RBBP8: variants seen among roughly 807,000 people sequenced by gnomAD.
RBBP8 encodes the protein DNA endonuclease RBBP8.
A neutral mutation model predicts 108.3 loss-of-function variants in RBBP8; 88 were observed. The observed-to-expected ratio is 0.81, with a 90% CI of 0.68 to 0.97. The LOEUF is 0.97. Ranked by LOEUF, RBBP8 falls within the 50% of genes least tolerant of loss-of-function variation. RBBP8 has a pLI of 0.00. For missense variants in RBBP8, 1,023 were observed against 1,049.0 expected, an observed-to-expected ratio of 0.98 and a Z score of 0.34; for synonymous variants, 332 against 348.2, an observed-to-expected ratio of 0.95 and a Z score of 0.52.
chr18:23,019,761 AT>A (rs35352558), intron 17 of RBBP8, among the ~76,000 whole-genome samples: 2,376 of 131,662 alleles, frequency 0.018, 51 homozygotes, highest in African/African-American at 0.061. Flanking sequence ...ACATTTTATA[AT>A]TTTTTTTTTT....
intron 9 of RBBP8, among the ~76,000 whole-genome samples, chr18:22,990,031 A>G (rs369994640): frequency 4.5e-4 from 68 of 152,288 alleles, no homozygotes; most frequent in Non-Finnish European, 8.4e-4. Context: ...TTCATTACAT[A>G]TAGATTTTTT....
Position 22,968,077 on chromosome 18 carries a change from T to A in RBBP8, c.249-729T>A, listed in dbSNP as rs548701696. ...ATTCAACAATATTGACAAAAAAAAA[T>A]TTTTTTTTTTTTTGAGTCAGAGTCT... On this transcript the variant is annotated intron_variant, in intron 4 of 18. Coordinates refer to ENST00000327155, the MANE Select transcript of RBBP8 (RefSeq NM_002894.3). Among the ~76,000 whole-genome samples, 503 of 141,260 alleles carry A rather than the reference T, an allele frequency of 3.6e-3. 5 individuals carry two copies. Among genetic ancestry groups the A allele is most frequent in the African/African-American group, 0.013 (471 of 37,490 alleles). The allele number at this position is 141,260 out of a possible 152,430, so 92.7% of individuals were successfully genotyped here. A position where few individuals can be genotyped will look rare whatever the true frequency, so the allele number is the denominator to read the frequency against.
rs766176776 is a variant in RBBP8, at chr18:22,993,767, A to G, written c.1859A>G (p.His620Arg). The G allele has an allele frequency of 1.2e-6, 2 of 1,614,102 alleles. No homozygotes were observed. The highest frequency in any genetic ancestry group is 1.7e-6 in the Non-Finnish European group (2 of 1,179,936). Residue 620 changes from histidine (H) to arginine (R), a missense_variant, in exon 12 of 19, where the codon CAT (histidine) becomes CGT (arginine). Physicochemically the swap from His to Arg is conservative, Grantham distance 29. Coordinates refer to ENST00000327155, the MANE Select transcript of RBBP8 (RefSeq NM_002894.3). ...ATAAAAATACAAACCAGGTCAGACC[A>G]TGGAGGATGTGAACTTGCATCAGTT... ...EPIKIQTRSD[H>R]GGCELASVLQ...
intron 18 of RBBP8, among the ~76,000 whole-genome samples, chr18:23,023,610 G>A (rs1390399533): frequency 1.3e-5 from 2 of 152,076 alleles, no homozygotes; most frequent in African/African-American, 4.8e-5. Context: ...TGTCTTTGGG[G>A]TAGCATACTC....
rs765592898 is a variant in RBBP8, at chr18:22,982,305, C to T, written c.516C>T (p.Gly172=). 8.7e-6 allele frequency: 14 copies of T among 1,614,024 alleles called. No homozygotes were observed. The highest frequency in any genetic ancestry group is 5.5e-5 in the South Asian group (5 of 91,084). The change falls in exon 7 of 19, where the codon GGC becomes GGT. Residue 172 remains glycine (G), a synonymous_variant. Transcript: ENST00000327155. ...CGATAACAGCCTTCTCATTTTCTGG[C>T]GTTAACCGGCTACGAAGAAAGGAGA... ...DSPITAFSFS[G]VNRLRRKENP...
At chr18:22,966,852 G>A (rs992063384) in intron 4 of RBBP8, among the ~76,000 whole-genome samples, 8 of 149,838 alleles carry the variant, frequency 5.3e-5, no homozygotes, top group Middle Eastern at 3.5e-3. Context: ...TCAGCCTCCC[G>A]AGTAGCTGGG....
intron 15 of RBBP8, among the ~76,000 whole-genome samples, chr18:23,005,410 T>A (rs1189656153): frequency 6.6e-6 from 1 of 152,134 alleles, no homozygotes; most frequent in Non-Finnish European, 1.5e-5. Flanking sequence ...TATACTTATG[T>A]GTAAATTTTT....
chr18:23,006,242 G>A, intron 15 of RBBP8, 121 bp from the exon 16 acceptor site: 1 of 834,926 alleles, frequency 1.2e-6, no homozygotes, highest in Non-Finnish European at 2.0e-6. Context: ...TTGCTCAGAG[G>A]CCTGGAGCAT....
chr18:22,932,486 C>CT (rs1197152995), upstream of RBBP8, among the ~76,000 whole-genome samples: 1 of 152,144 alleles, frequency 6.6e-6, no homozygotes, highest in East Asian at 1.9e-4. Context: ...TTATTCATCC[C>CT]TTAAGATGTG....
chr18:22,996,926 A>G (rs1465298919), intron 13 of RBBP8, among the ~76,000 whole-genome samples: 1 of 152,174 alleles, frequency 6.6e-6, no homozygotes, highest in Non-Finnish European at 1.5e-5. Context: ...TGAACCCAGG[A>G]ATTCGAGGCT....
intron 16 of RBBP8, among the ~76,000 whole-genome samples, chr18:23,010,372 C>T (rs978527528): frequency 1.3e-5 from 2 of 152,122 alleles, no homozygotes; most frequent in Admixed American, 6.6e-5. Context: ...GAGGCTTTGG[C>T]GGAAGAATCG....
At chr18:23,004,284 T>C (rs12458661) in intron 15 of RBBP8, among the ~76,000 whole-genome samples, 47,850 of 149,740 alleles carry the variant, frequency 0.32, 8,265 homozygotes, top group East Asian at 0.52. Flanking sequence ...TATATATATA[T>C]ACACACACAC....
At chr18:22,927,392 G>C (rs561663791) in intron 3 of RBBP8, among the ~76,000 whole-genome samples, 1 of 152,264 alleles carries the variant, frequency 6.6e-6, no homozygotes, top group South Asian at 2.1e-4. Flanking sequence ...AGAAATAAAC[G>C]AAGAATTGGA....
At chr18:22,942,286 C>T (rs1346442685) in intron 2 of RBBP8, among the ~76,000 whole-genome samples, 1 of 152,052 alleles carries the variant, frequency 6.6e-6, no homozygotes. Flanking sequence ...CAGAAATGTA[C>T]CCATAGGAAC....
rs1039795015 is a variant in RBBP8, at chr18:23,017,045, C to T, written c.2454+121C>T. On this transcript the variant is annotated intron_variant, in intron 17 of 18. Transcript: ENST00000327155. ...ATAGAAACCTCTTATTTGAGCCAGG[C>T]GTAACAGCAGGAATAAGGAGTATTC... The T allele has an allele frequency of 6.3e-6, 5 of 799,954 alleles. No individual in the cohort carries two copies. The Admixed American group carries it at 8.4e-5, about 13-fold the overall frequency. 49.6% of individuals were successfully genotyped at this position (799,954 alleles called of 1,614,324 possible).
intron 4 of RBBP8, among the ~76,000 whole-genome samples, chr18:22,957,430 T>C (rs1912677688): frequency 6.6e-6 from 1 of 150,454 alleles, no homozygotes; most frequent in Non-Finnish European, 1.5e-5. Flanking sequence ...TGAATGAAAA[T>C]GAATAAATGT....
intron 16 of RBBP8, among the ~76,000 whole-genome samples, chr18:23,013,433 C>A (rs557002005): frequency 6.6e-6 from 1 of 152,106 alleles, no homozygotes; most frequent in African/African-American, 2.4e-5. Context: ...GAGTTACCAG[C>A]GCAGGTGAGC....
At chr18:23,000,239 T>G (rs947974536) in intron 14 of RBBP8, among the ~76,000 whole-genome samples, 1 of 152,176 alleles carries the variant, frequency 6.6e-6, no homozygotes, top group Non-Finnish European at 1.5e-5. Context: ...TTAGGCCTCT[T>G]TTCTGTCATA....
At position 23,016,904 on chromosome 18, in the gene RBBP8, A is replaced by T. The variant is rs758465439; in HGVS notation, c.2434A>T (p.Thr812Ser). ...KEERRKLLGHTCKECEIYYAD... is the reference protein window; with the variant it reads ...KEERRKLLGHSCKECEIYYAD... ...GGAGAGAAGAAAACTGCTTGGGCAC[A>T]CGTGTAAGGAATGTGAAATTGTAAG... The change falls in exon 17 of 19, where the codon ACG becomes TCG. Residue 812 changes from threonine (T) to serine (S), a missense_variant. Thr to Ser is a moderately conservative substitution (Grantham distance 58). Transcript: ENST00000327155. 6.2e-7 allele frequency: 1 copy of T among 1,613,378 alleles called. No homozygotes were observed. Among genetic ancestry groups the T allele is most frequent in the South Asian group, 1.1e-5 (1 of 91,062 alleles).
Sources: allele counts gnomAD v4.1 joint callset (sites outside exome capture counted in the v4.1 genomes callset), GRCh38; gene constraint gnomAD v4.1.1; transcripts MANE v1.5; gene names NCBI Gene and HGNC (gene_info 2026-07-23, HGNC 2026-07-21).